SEMA3E: variants seen among roughly 807,000 people sequenced by gnomAD.
The protein encoded by SEMA3E is semaphorin 3E, also known as semaphorin-3E.
Under a neutral mutation model 93.6 loss-of-function variants are expected in SEMA3E, and 49 were observed. The observed-to-expected ratio is 0.52, with a 90% CI of 0.42 to 0.66. SEMA3E has a LOEUF of 0.66. SEMA3E is among the 30% of genes least tolerant of loss of function. SEMA3E has a pLI of 0.00. For synonymous variants in SEMA3E, 363 were observed against 330.7 expected (o/e 1.10, Z -1.06); for missense variants, 906 against 964.8 (o/e 0.94, Z 0.81).
chr7:83,405,880 A>C, intron 8 of SEMA3E, 65 bp downstream of exon 8: 1 of 1,160,396 alleles, frequency 8.6e-7, no homozygotes, highest in Non-Finnish European at 1.3e-6. Context: ...TATGTGTCCT[A>C]GGGATAAAGT....
At chr7:83,637,450 A>G (rs1400460678) in intron 1 of SEMA3E, among the ~76,000 whole-genome samples, 1 of 152,146 alleles carries the variant, frequency 6.6e-6, no homozygotes, top group Non-Finnish European at 1.5e-5. Context: ...AATTCTCTGA[A>G]GGCAATGATA....
chr7:83,529,441 T>C (rs1183309576), intron 1 of SEMA3E, among the ~76,000 whole-genome samples: 1 of 152,160 alleles, frequency 6.6e-6, no homozygotes, highest in African/African-American at 2.4e-5. Context: ...CTAGCAAATA[T>C]GTTTTATAAA....
intron 1 of SEMA3E, among the ~76,000 whole-genome samples, chr7:83,600,520 T>TTC (rs1491511606): frequency 5.6e-5 from 6 of 107,506 alleles, no homozygotes; most frequent in South Asian, 3.3e-4. Flanking sequence ...TTTTTTTTTT[T>TTC]GTATTTTTAG....
intron 1 of SEMA3E, among the ~76,000 whole-genome samples, chr7:83,619,912 T>TAGAC (rs1793515967): frequency 7.4e-6 from 1 of 135,030 alleles, no homozygotes; most frequent in Non-Finnish European, 1.6e-5. Flanking sequence ...GACAGATAGA[T>TAGAC]AGATAGATAG....
chr7:83,530,238 G>A (rs969585673), intron 1 of SEMA3E, among the ~76,000 whole-genome samples: 4 of 152,076 alleles, frequency 2.6e-5, no homozygotes, highest in Non-Finnish European at 4.4e-5. Context: ...TAGGTAATAT[G>A]ATTTTCTCCA....
rs184246850 is a variant in SEMA3E, at chr7:83,442,326, T to C, written c.457-23843A>G. Among the ~76,000 whole-genome samples, 198 of 152,354 alleles carry C rather than the reference T, an allele frequency of 1.3e-3. 5 individuals carry two copies. Among genetic ancestry groups the C allele is most frequent in the Admixed American group, 0.012 (178 of 15,308 alleles). On this transcript the variant is annotated intron_variant, in intron 4 of 16. Coordinates refer to ENST00000643230, the MANE Select transcript of SEMA3E (RefSeq NM_012431.3). ...ACATTTTGGATGCCGATCCTTTCCTTAGCCCCAAGGTTTGCTGATTTTTAT... is the reference window on the plus strand; with the variant it reads ...ACATTTTGGATGCCGATCCTTTCCTCAGCCCCAAGGTTTGCTGATTTTTAT...
At chr7:83,379,830 G>T (rs1483294941) in intron 16 of SEMA3E, among the ~76,000 whole-genome samples, 1 of 151,830 alleles carries the variant, frequency 6.6e-6, no homozygotes, top group Non-Finnish European at 1.5e-5. Context: ...CTGTTGCAAG[G>T]ATTAAAAATA....
intron 2 of SEMA3E, among the ~76,000 whole-genome samples, chr7:83,485,217 T>C (rs900726007): frequency 5.9e-5 from 9 of 152,232 alleles, no homozygotes; most frequent in Admixed American, 1.3e-4. Context: ...AATTGTGCTA[T>C]ATTCATATGA....
At chr7:83,558,367 G>A (rs1048609484) in intron 1 of SEMA3E, among the ~76,000 whole-genome samples, 8 of 152,022 alleles carry the variant, frequency 5.3e-5, no homozygotes, top group Non-Finnish European at 1.0e-4. Flanking sequence ...ACAGGAACTG[G>A]CACCAAGGTT....
chr7:83,450,089 C>T (rs1056137135), intron 4 of SEMA3E, among the ~76,000 whole-genome samples: 39 of 152,152 alleles, frequency 2.6e-4, no homozygotes, highest in Non-Finnish European at 1.9e-4. Flanking sequence ...CAATGTGATA[C>T]AACCATGCAG....
At chr7:83,554,843 G>A (rs893979882) in intron 1 of SEMA3E, among the ~76,000 whole-genome samples, 8 of 152,072 alleles carry the variant, frequency 5.3e-5, no homozygotes, top group African/African-American at 1.9e-4. Flanking sequence ...CTGGCGTGGT[G>A]GCGGGCGCCT....
intron 13 of SEMA3E, among the ~76,000 whole-genome samples, chr7:83,393,443 A>C (rs1483814856): frequency 6.6e-6 from 1 of 152,086 alleles, no homozygotes; most frequent in Non-Finnish European, 1.5e-5. Flanking sequence ...CAGAAGGATG[A>C]CCTGACCCTG....
Position 83,400,135 on chromosome 7 carries a change from T to A in SEMA3E, c.1259A>T (p.Lys420Ile), listed in dbSNP as rs1015201578. ...ATCTGTTTTTACCAATATTGGTTTT[T>A]TATGGGCAGGTTTTATGGCCTGGTA... Reference protein sequence around the residue: ...LMYQAIKPAHKKPILVKTDGK... With the variant: ...LMYQAIKPAHIKPILVKTDGK... Residue 420 changes from lysine (K) to isoleucine (I), a missense_variant, in exon 11 of 17, where the codon AAA becomes ATA. Physicochemically the swap from Lys to Ile is moderately radical, Grantham distance 102. Transcript: ENST00000643230. 1 of 1,613,956 alleles carries A rather than the reference T, an allele frequency of 6.2e-7. No homozygotes were observed. The highest frequency in any genetic ancestry group is 1.1e-5 in the South Asian group (1 of 91,078).
intron 4 of SEMA3E, among the ~76,000 whole-genome samples, chr7:83,451,388 A>T (rs538442922): frequency 1.4e-4 from 22 of 152,208 alleles, no homozygotes; most frequent in African/African-American, 4.3e-4. Flanking sequence ...TTTACATATT[A>T]TAATCAAGGC....
At chr7:83,404,576 A>G (rs994902711) in intron 9 of SEMA3E, among the ~76,000 whole-genome samples, 4 of 151,944 alleles carry the variant, frequency 2.6e-5, no homozygotes, top group Non-Finnish European at 4.4e-5. Flanking sequence ...ACTGATTCTA[A>G]TATTTTTATT....
At chr7:83,565,646 T>C (rs1792131985) in intron 1 of SEMA3E, among the ~76,000 whole-genome samples, 1 of 152,220 alleles carries the variant, frequency 6.6e-6, no homozygotes, top group South Asian at 2.1e-4. Context: ...TCAGAACATA[T>C]ATTTAATATA....
intron 4 of SEMA3E, among the ~76,000 whole-genome samples, chr7:83,419,009 A>G (rs1010751729): frequency 6.6e-6 from 1 of 152,106 alleles, no homozygotes; most frequent in Non-Finnish European, 1.5e-5. Context: ...TAGTGAGCAT[A>G]GTGTCCAACA....
intron 4 of SEMA3E, among the ~76,000 whole-genome samples, chr7:83,447,091 G>A (rs1452401385): frequency 6.6e-6 from 1 of 152,132 alleles, no homozygotes; most frequent in Non-Finnish European, 1.5e-5. Context: ...TGAGGAGATT[G>A]GACTAGGATG....
At chr7:83,420,858 A>ATCCCAGCACTTTGGGAGG (rs1451192435) in intron 4 of SEMA3E, among the ~76,000 whole-genome samples, 144 of 143,984 alleles carry the variant, frequency 1.0e-3, no homozygotes, top group South Asian at 1.4e-3. Flanking sequence ...AAGACCTCTA[A>ATCCCAGCACTTTGGGAGG]CTATAAGAAT....
Sources: allele counts gnomAD v4.1 joint callset (sites outside exome capture counted in the v4.1 genomes callset), GRCh38; gene constraint gnomAD v4.1.1; transcripts MANE v1.5; gene names NCBI Gene and HGNC (gene_info 2026-07-23, HGNC 2026-07-21).